The following DIPK1A variants were observed in gnomAD, a reference collection of about 807,000 sequenced individuals.
DIPK1A encodes the protein family with sequence similarity 69 member A.
A neutral mutation model predicts 40.8 loss-of-function variants in DIPK1A; 27 were observed. That is an observed-to-expected ratio of 0.66 (90% CI 0.49 to 0.91). The LOEUF is 0.91. Ranked by LOEUF, DIPK1A falls within the 40% of genes least tolerant of loss-of-function variation. DIPK1A has a pLI of 0.00. For missense variants in DIPK1A, 412 were observed against 505.7 expected, an observed-to-expected ratio of 0.81 and a Z score of 1.78; for synonymous variants, 166 against 171.3, an observed-to-expected ratio of 0.97 and a Z score of 0.24.
At chr1:92,875,926 A>G (rs1280138414) in intron 2 of DIPK1A, among the ~76,000 whole-genome samples, 1 of 151,652 alleles carries the variant, frequency 6.6e-6, no homozygotes, top group Non-Finnish European at 1.5e-5. Context: ...TCAAGAGTAA[A>G]AGATGTGTTC....
chr1:92,833,981 A>C, intron 4 of DIPK1A: 1 of 349,450 alleles, frequency 2.9e-6, no homozygotes, highest in South Asian at 2.4e-5. Flanking sequence ...GGCGGGGCGC[A>C]CCTGTAGTCC....
At chr1:92,833,987 A>C (rs941783101) in intron 4 of DIPK1A, 1 of 344,514 alleles carries the variant, frequency 2.9e-6, no homozygotes, top group Non-Finnish European at 5.5e-6. Flanking sequence ...GCGCACCTGT[A>C]GTCCCAGCTA....
chr1:92,952,182 C>G (rs888051332), intron 1 of DIPK1A, among the ~76,000 whole-genome samples: 1 of 151,976 alleles, frequency 6.6e-6, no homozygotes, highest in East Asian at 1.9e-4. Context: ...TCCTGCAACA[C>G]CAAGTCCCAC....
intron 4 of DIPK1A, chr1:92,846,180 CAG>C (rs1361661364): frequency 3.9e-5 from 6 of 153,168 alleles, no homozygotes; most frequent in Admixed American, 2.0e-4. Flanking sequence ...CGGGAGCACA[CAG>C]AAAAAAAATT....
intron 1 of DIPK1A, among the ~76,000 whole-genome samples, chr1:92,902,148 C>A (rs1193742519): frequency 6.6e-6 from 1 of 152,204 alleles, no homozygotes; most frequent in Non-Finnish European, 1.5e-5. Flanking sequence ...CCACTCTGGG[C>A]AGCCAAGGCA....
intron 1 of DIPK1A, among the ~76,000 whole-genome samples, chr1:92,891,665 G>T (rs1457303407): frequency 6.6e-6 from 1 of 152,118 alleles, no homozygotes; most frequent in Non-Finnish European, 1.5e-5. Flanking sequence ...GTGGGTGCAG[G>T]ACAGTGGGTG....
intron 1 of DIPK1A, among the ~76,000 whole-genome samples, chr1:92,912,799 C>CTA (rs1471169596): frequency 1.3e-5 from 2 of 152,060 alleles, no homozygotes; most frequent in East Asian, 1.9e-4. Context: ...CATCATGTAT[C>CTA]TATATATATA....
chr1:92,876,230 T>C, intron 2 of DIPK1A, 66 bp downstream of exon 2: 1 of 977,578 alleles, frequency 1.0e-6, no homozygotes, highest in Non-Finnish European at 1.4e-6. Context: ...CATTAGTAAG[T>C]ATGTAAGCAG....
rs185892705 is a variant in DIPK1A, at chr1:92,921,542, T to C, written c.54+39834A>G. Among the ~76,000 whole-genome samples the C allele has an allele frequency of 1.5e-4, 23 of 152,328 alleles. No homozygotes were observed. In the East Asian group the frequency reaches 3.5e-3, roughly 23 times the overall value. ...ACAATTTGCTACATCCTAAGTGCTT[T>C]TGAGGACAGGAGGACGGTGGGACCT... is the stretch of plus-strand genomic sequence containing the variant. On this transcript the variant is annotated intron_variant, in intron 1 of 4. Coordinates refer to ENST00000370310, the MANE Select transcript of DIPK1A (RefSeq NM_001006605.5).
intron 2 of DIPK1A, among the ~76,000 whole-genome samples, chr1:92,861,321 C>CTTTTTTTTTTTTTTTTTTTTT: frequency 1.2e-5 from 1 of 83,546 alleles, no homozygotes; most frequent in Non-Finnish European, 2.1e-5. Context: ...CTCTCTCTCT[C>CTTTTTTTTTTTTTTTTTTTTT]TTTTTTTTTT....
intron 1 of DIPK1A, 87 bp downstream of exon 1, chr1:92,961,289 G>C: frequency 1.0e-6 from 1 of 995,662 alleles, no homozygotes; most frequent in Non-Finnish European, 1.4e-6. Context: ...CAGGGAGGGA[G>C]GAGGGGAGCG....
At chr1:92,907,858 G>GA (rs1170632222) in intron 1 of DIPK1A, among the ~76,000 whole-genome samples, 2 of 151,886 alleles carry the variant, frequency 1.3e-5, no homozygotes, top group Non-Finnish European at 2.9e-5. Flanking sequence ...ATCTTGATAA[G>GA]AAAATTTTAA....
At chr1:92,929,711 TTGTC>T (rs1650669301) in intron 1 of DIPK1A, among the ~76,000 whole-genome samples, 1 of 152,326 alleles carries the variant, frequency 6.6e-6, no homozygotes, top group South Asian at 2.1e-4. Context: ...TCAATAATCT[TTGTC>T]TGTGGGAGGT....
chr1:92,833,735 G>T (rs1687008007), intron 4 of DIPK1A: 5 of 1,228,508 alleles, frequency 4.1e-6, no homozygotes, highest in Non-Finnish European at 4.8e-6. Context: ...CACATGGTGT[G>T]TGTGTTAGAA....
chr1:92,845,552 A>AT, intron 4 of DIPK1A: 1 of 377,300 alleles, frequency 2.7e-6, no homozygotes. Flanking sequence ...AAAAAAAAAA[A>AT]AAAATGCTGG....
At chr1:92,868,723 T>C (rs532338783) in intron 2 of DIPK1A, among the ~76,000 whole-genome samples, 4 of 152,294 alleles carry the variant, frequency 2.6e-5, no homozygotes, top group South Asian at 2.1e-4. Flanking sequence ...CCCAGCACTT[T>C]TGAAGGCCGA....
At chr1:92,917,645 G>A (rs1650105122) in intron 1 of DIPK1A, among the ~76,000 whole-genome samples, 2 of 152,210 alleles carry the variant, frequency 1.3e-5, no homozygotes, top group South Asian at 4.1e-4. Context: ...AGTGTAAAAT[G>A]TATTTACTGA....
intron 1 of DIPK1A, among the ~76,000 whole-genome samples, chr1:92,934,582 G>C (rs183699719): frequency 1.3e-5 from 2 of 152,204 alleles, no homozygotes; most frequent in African/African-American, 4.8e-5. Context: ...TGTATTTCCT[G>C]AGTCAGCATA....
At chr1:92,955,772 G>T (rs745535333) in intron 1 of DIPK1A, among the ~76,000 whole-genome samples, 6 of 151,860 alleles carry the variant, frequency 4.0e-5, no homozygotes, top group Non-Finnish European at 7.4e-5. Context: ...CAGGCACAGT[G>T]GTTAATTCCT....
Sources: gnomAD v4.1 joint callset for allele counts (sites outside exome capture counted in the v4.1 genomes callset) on GRCh38, gnomAD v4.1.1 for gene constraint, MANE v1.5 for transcripts, NCBI Gene and HGNC (gene_info 2026-07-23, HGNC 2026-07-21) for gene names.